ZCCHC14: variants seen among roughly 807,000 people sequenced by gnomAD.
The protein encoded by ZCCHC14 is zinc finger CCHC-type containing 14, also known as zinc finger CCHC domain-containing protein 14.
In ZCCHC14, 16 loss-of-function variants were observed where a neutral mutation model predicts 85.0. The observed-to-expected ratio is 0.19, with a 90% CI of 0.13 to 0.29. The LOEUF (loss-of-function observed/expected upper bound fraction) is 0.29. Among genes scored for constraint, ZCCHC14 ranks in the 10% least tolerant of loss-of-function variants. The pLI is 1.00. For synonymous variants in ZCCHC14, 775 were observed against 630.7 expected, an observed-to-expected ratio of 1.23 and a Z score of -3.43; for missense variants, 1,303 against 1,443.5, an observed-to-expected ratio of 0.90 and a Z score of 1.58.
intron 4 of ZCCHC14, among the ~76,000 whole-genome samples, chr16:87,421,619 C>T (rs1429789284): frequency 2.0e-5 from 3 of 152,058 alleles, no homozygotes; most frequent in South Asian, 4.1e-4. Context: ...GAAAAGGGGC[C>T]GAGAGGGTAG....
chr16:87,416,272 G>T (rs1908778080), intron 8 of ZCCHC14, among the ~76,000 whole-genome samples: 1 of 152,126 alleles, frequency 6.6e-6, no homozygotes, highest in South Asian at 2.1e-4. Context: ...CAGAAAAGCA[G>T]ATGCCATCCA....
intron 4 of ZCCHC14, among the ~76,000 whole-genome samples, chr16:87,422,442 A>G (rs566222309): frequency 6.6e-6 from 1 of 152,278 alleles, no homozygotes; most frequent in East Asian, 1.9e-4. Flanking sequence ...TTCCAAAATT[A>G]GGCCAGGTGC....
At chr16:87,452,901 G>T (rs1322589723) in intron 2 of ZCCHC14, among the ~76,000 whole-genome samples, 1 of 152,232 alleles carries the variant, frequency 6.6e-6, no homozygotes, top group Non-Finnish European at 1.5e-5. Context: ...ACGTGACAGG[G>T]AGGAGGGCTC....
At chr16:87,483,878 G>A (rs917502328) in intron 1 of ZCCHC14, among the ~76,000 whole-genome samples, 2 of 152,176 alleles carry the variant, frequency 1.3e-5, no homozygotes, top group African/African-American at 2.4e-5. Flanking sequence ...GTAACATGTA[G>A]GTGATATGTA....
rs201216531 is a variant in ZCCHC14, at chr16:87,415,256, A to G, written c.1475+20T>C. The G allele has an allele frequency of 2.1e-5, 34 of 1,612,886 alleles. No homozygotes were observed. The East Asian group carries it at 6.9e-4, about 33-fold the overall frequency. ...AGAAATGGAAATAAACACAGGTTTC[A>G]AAACCCACTTCACACTCACTTTTCC... On this transcript the variant is annotated intron_variant, in intron 9 of 12. Transcript: ENST00000671377.
chr16:87,422,386 G>A (rs1335043534), intron 4 of ZCCHC14, among the ~76,000 whole-genome samples: 1 of 152,132 alleles, frequency 6.6e-6, no homozygotes, highest in Admixed American at 6.5e-5. Context: ...CAGGAGAGGG[G>A]AGGATGCGGC....
rs916367051 is a variant in ZCCHC14, at chr16:87,459,863, T to C, written c.694+145A>G. 2.3e-6 allele frequency: 3 copies of C among 1,276,944 alleles called. No homozygotes were observed. In the African/African-American group the frequency reaches 4.5e-5, roughly 19 times the overall value. The allele number at this position is 1,276,944 out of a possible 1,614,324, so 79.1% of individuals were successfully genotyped here. Reference sequence around the variant, plus strand: ...TTTTTACAGCCAAAGCATATTCATGTATTGCTTATAGAATTTAGAAAAATA... The same window carrying C: ...TTTTTACAGCCAAAGCATATTCATGCATTGCTTATAGAATTTAGAAAAATA... On this transcript the variant is annotated intron_variant, in intron 2 of 12. Transcript: ENST00000671377.
chr16:87,457,126 A>G (rs941881135), intron 2 of ZCCHC14, among the ~76,000 whole-genome samples: 42 of 152,350 alleles, frequency 2.8e-4, no homozygotes, highest in African/African-American at 9.9e-4. Flanking sequence ...AGCCACACAC[A>G]GTGACCTGGA....
intron 6 of ZCCHC14, among the ~76,000 whole-genome samples, chr16:87,419,363 C>T (rs1175527528): frequency 6.6e-6 from 1 of 152,190 alleles, no homozygotes; most frequent in Non-Finnish European, 1.5e-5. Context: ...TGCAGTGGTG[C>T]AATCTCGGCT....
chr16:87,446,985 C>T (rs966679889), intron 2 of ZCCHC14, among the ~76,000 whole-genome samples: 1 of 152,124 alleles, frequency 6.6e-6, no homozygotes, highest in Non-Finnish European at 1.5e-5. Context: ...CCGTGCCCGG[C>T]CAGCAAACCA....
chr16:87,414,248 T>C (rs1018239569), intron 10 of ZCCHC14, among the ~76,000 whole-genome samples, 166 bp downstream of exon 10: 1 of 151,156 alleles, frequency 6.6e-6, no homozygotes, highest in Non-Finnish European at 1.5e-5. Flanking sequence ...ACCGGCCCTC[T>C]CTGTGTACGA....
chr16:87,461,515 A>T (rs1244143229), intron 1 of ZCCHC14, among the ~76,000 whole-genome samples: 1 of 152,220 alleles, frequency 6.6e-6, no homozygotes, highest in Non-Finnish European at 1.5e-5. Flanking sequence ...TGGCACAAGC[A>T]GCCTGGAAAA....
intron 2 of ZCCHC14, among the ~76,000 whole-genome samples, chr16:87,453,603 G>T (rs1463740794): frequency 1.3e-5 from 2 of 152,242 alleles, no homozygotes; most frequent in African/African-American, 4.8e-5. Context: ...CGCACAGCTG[G>T]TGCGGTCTAA....
intron 10 of ZCCHC14, among the ~76,000 whole-genome samples, 196 bp downstream of exon 10, chr16:87,414,214 ACGAG>A (rs1597398529): frequency 2.0e-5 from 3 of 148,398 alleles, no homozygotes; most frequent in African/African-American, 2.5e-5. Flanking sequence ...CTCTCTGTGT[ACGAG>A]TAACCCACCT....
chr16:87,430,447 C>T (rs1215410600), intron 3 of ZCCHC14, among the ~76,000 whole-genome samples: 3 of 152,140 alleles, frequency 2.0e-5, no homozygotes, highest in Non-Finnish European at 2.9e-5. Flanking sequence ...TCAGGTTGTG[C>T]AAGTCTTCCA....
At chr16:87,455,006 A>C (rs544001310) in intron 2 of ZCCHC14, among the ~76,000 whole-genome samples, 1 of 152,346 alleles carries the variant, frequency 6.6e-6, no homozygotes, top group East Asian at 1.9e-4. Context: ...AAAATCCTGG[A>C]GGCCGAGCGC....
chr16:87,492,041 G>C lies in ZCCHC14; in HGVS notation c.198C>G (p.Ala66=), dbSNP rs1912794566. 7.2e-7 allele frequency: 1 copy of C among 1,391,170 alleles called. No homozygotes were observed. Among genetic ancestry groups the C allele is most frequent in the African/African-American group, 1.5e-5 (1 of 65,180 alleles). The allele number at this position is 1,391,170 out of a possible 1,614,324, so 86.2% of individuals were successfully genotyped here. Residue 66 remains alanine (A), a synonymous_variant, in exon 1 of 13, where the codon GCC becomes GCG. Coordinates refer to ENST00000671377, the MANE Select transcript of ZCCHC14 (RefSeq NM_015144.3). The surrounding 1 kb of genome is among the most constrained non-coding windows in gnomAD (Gnocchi z 6.7). ...YHSLRDSEIK[A]NNPADLGSLT... ...GGCTGCCCAGGTCGGCCGGGTTGTT[G>C]GCCTTGATCTCCGAGTCGCGCAGCG...
chr16:87,414,386 C>A (rs1473709128), intron 10 of ZCCHC14, 28 bp downstream of exon 10: 1 of 1,612,244 alleles, frequency 6.2e-7, no homozygotes, highest in African/African-American at 1.3e-5. Context: ...GTATGAGTAA[C>A]CCATCTGCCC....
rs1912821875 is a variant in ZCCHC14, at chr16:87,492,553, C to T, written c.-315G>A. 1.4e-5 allele frequency: 2 copies of T among 146,220 alleles called. No individual in the cohort carries two copies. The highest frequency in any genetic ancestry group is 3.7e-4 in the South Asian group (2 of 5,352). The allele number at this position is 146,220 out of a possible 1,614,324, so 9.1% of individuals were successfully genotyped here. ...TCACGGGGAGGCGCCTTCCCCGCGCCCGTGCCCAGCGGCGGCCGGTGCGCG... is the reference window on the plus strand; with the variant it reads ...TCACGGGGAGGCGCCTTCCCCGCGCTCGTGCCCAGCGGCGGCCGGTGCGCG... On this transcript the variant is annotated 5_prime_UTR_variant, in exon 1 of 13. Transcript: ENST00000671377. The surrounding 1 kb of genome is among the most constrained non-coding windows in gnomAD (Gnocchi z 6.7).
Sources: allele counts gnomAD v4.1 joint callset (sites outside exome capture counted in the v4.1 genomes callset), GRCh38; gene constraint gnomAD v4.1.1; non-coding constraint Gnocchi (gnomAD v3.1); transcripts MANE v1.5; gene names NCBI Gene and HGNC (gene_info 2026-07-23, HGNC 2026-07-21).